KATNA1: variants seen among roughly 807,000 people sequenced by gnomAD.
KATNA1 encodes katanin p60 ATPase-containing subunit A1.
KATNA1 carries 42 observed loss-of-function variants against 62.6 expected under a neutral mutation model. That is an observed-to-expected ratio of 0.67 (90% CI 0.52 to 0.87). The LOEUF is 0.87. Ranked by LOEUF, KATNA1 falls within the 40% of genes least tolerant of loss-of-function variation. The probability of loss-of-function intolerance (pLI) is 0.00; values close to 1 mark genes in which losing one functional copy is unlikely to be tolerated. For missense variants in KATNA1, 498 were observed against 612.5 expected, an observed-to-expected ratio of 0.81 and a Z score of 1.97; for synonymous variants, 186 against 201.9, an observed-to-expected ratio of 0.92 and a Z score of 0.67.
chr6:149,627,647 A>T lies in KATNA1; in HGVS notation c.321-4364T>A, dbSNP rs1779668790. 5.3e-5 allele frequency among the ~76,000 whole-genome samples: 8 copies of T among 150,732 alleles called. No homozygotes were observed. In the Admixed American group the frequency reaches 5.3e-4, roughly 10 times the overall value. ...ACAGTGAGCTGAGATGCACTATTGC[A>T]TTCCAGCCTGGGTGACAGAGTGAGA... On this transcript the variant is annotated intron_variant, in intron 3 of 10. Coordinates refer to ENST00000367411, the MANE Select transcript of KATNA1 (RefSeq NM_007044.4).
chr6:149,598,359 A>G lies in KATNA1; in HGVS notation c.889-9T>C. 1 of 1,612,850 alleles carries G rather than the reference A, an allele frequency of 6.2e-7. No individual in the cohort carries two copies. Among genetic ancestry groups the G allele is most frequent in the East Asian group, 2.2e-5 (1 of 44,876 alleles). On this transcript the variant is annotated splice_polypyrimidine_tract_variant and intron_variant, in intron 7 of 10. Transcript: ENST00000367411. The stretch of plus-strand genomic sequence containing the variant: ...GGAGAATAAAATCGAGCCTAAAGGA[A>G]GAAACCATGCAATATCAAGCTATTA...
At chr6:149,618,060 C>T in intron 4 of KATNA1, among the ~76,000 whole-genome samples, 1 of 148,088 alleles carries the variant, frequency 6.8e-6, no homozygotes, top group South Asian at 2.1e-4. Flanking sequence ...CAGGCTGAGG[C>T]AGGAGGATCG....
Position 149,627,386 on chromosome 6 carries a change from C to T in KATNA1, c.321-4103G>A, listed in dbSNP as rs190803261. Among the ~76,000 whole-genome samples the T allele has an allele frequency of 2.1e-4, 32 of 151,310 alleles. 1 individual carries two copies. Among genetic ancestry groups the T allele is most frequent in the Admixed American group, 2.0e-3 (31 of 15,196 alleles). ...TTCGAGACTAGCCTGGCAAATATGG[C>T]GAAACCCTGTCTACTAAAAATACAA... On this transcript the variant is annotated intron_variant, in intron 3 of 10. Coordinates refer to ENST00000367411, the MANE Select transcript of KATNA1 (RefSeq NM_007044.4).
At position 149,621,966 on chromosome 6, in the gene KATNA1, C is replaced by T. The variant is rs142901773; in HGVS notation, c.501+1137G>A. On this transcript the variant is annotated intron_variant, in intron 4 of 10. Transcript: ENST00000367411. ...GCTAAAGAAACATGATAACTAAATT[C>T]GATGTGTCCTTCTACATTGTAATCT... Among the ~76,000 whole-genome samples, 5 of 152,136 alleles carry T rather than the reference C, an allele frequency of 3.3e-5. No homozygotes were observed. The East Asian group carries it at 7.7e-4, about 24-fold the overall frequency.
intron 7 of KATNA1, among the ~76,000 whole-genome samples, chr6:149,600,220 A>G (rs1008770834): frequency 1.8e-4 from 23 of 126,048 alleles, no homozygotes; most frequent in Non-Finnish European, 2.9e-4. Context: ...AAAAAAAAAA[A>G]GCTGAACACA....
chr6:149,614,004 C>T (rs1177668946), intron 4 of KATNA1, among the ~76,000 whole-genome samples: 2 of 152,174 alleles, frequency 1.3e-5, no homozygotes, highest in East Asian at 3.8e-4. Context: ...AACAACTGAA[C>T]ATGCCAGCAC....
At chr6:149,635,590 T>C (rs2114617284) in intron 2 of KATNA1, among the ~76,000 whole-genome samples, 1 of 151,924 alleles carries the variant, frequency 6.6e-6, no homozygotes, top group South Asian at 2.1e-4. Context: ...ACACCTGTAA[T>C]TCCAGCTACT....
intron 4 of KATNA1, among the ~76,000 whole-genome samples, chr6:149,610,403 T>TA (rs1355746206): frequency 6.6e-6 from 1 of 151,420 alleles, no homozygotes; most frequent in Non-Finnish European, 1.5e-5. Context: ...GCAAAATACA[T>TA]ACTCTTTTCA....
At chr6:149,609,183 A>C (rs1778851401) in intron 4 of KATNA1, among the ~76,000 whole-genome samples, 1 of 152,192 alleles carries the variant, frequency 6.6e-6, no homozygotes, top group African/African-American at 2.4e-5. Context: ...CTCAGAAACA[A>C]ATAGAACACC....
At chr6:149,613,525 A>G (rs777843477) in intron 4 of KATNA1, among the ~76,000 whole-genome samples, 4 of 152,182 alleles carry the variant, frequency 2.6e-5, no homozygotes, top group Non-Finnish European at 5.9e-5. Context: ...AGCTGACAAG[A>G]TAGAAGATAA....
chr6:149,623,282 G>T lies in KATNA1; in HGVS notation c.322C>A (p.Pro108Thr), dbSNP rs775897411. ...WSMPVPVERR[P>T]SPGPRKRQSS... ...TGGCGTTTTCTAGGTCCTGGTGAGG[G>T]TCTAATCAAACAAAAACTCATTAAT... Residue 108 changes from proline to threonine, a missense_variant and splice_region_variant, in exon 4 of 11, where the codon CCC becomes ACC. Coordinates refer to ENST00000367411, the MANE Select transcript of KATNA1 (RefSeq NM_007044.4). The T allele has an allele frequency of 1.9e-6, 3 of 1,582,800 alleles. No individual in the cohort carries two copies. The Admixed American group carries it at 5.9e-5, about 31-fold the overall frequency.
At chr6:149,643,688 C>CTT (rs760035804) in intron 1 of KATNA1, among the ~76,000 whole-genome samples, 6 of 142,844 alleles carry the variant, frequency 4.2e-5, no homozygotes, top group Non-Finnish European at 6.2e-5. Flanking sequence ...AGTTGTTGTC[C>CTT]TTTTTTTTTT....
chr6:149,621,416 G>A (rs1286249422), intron 4 of KATNA1, among the ~76,000 whole-genome samples: 5 of 151,738 alleles, frequency 3.3e-5, no homozygotes, highest in East Asian at 3.9e-4. Context: ...GAGCCACCGC[G>A]CCCGGCCCTG....
chr6:149,621,983 T>C (rs924028563), intron 4 of KATNA1, among the ~76,000 whole-genome samples: 10 of 152,148 alleles, frequency 6.6e-5, no homozygotes, highest in African/African-American at 2.2e-4. Context: ...TCCTTCTACA[T>C]TGTAATCTGA....
chr6:149,602,906 A>T (rs1489451130), intron 6 of KATNA1, among the ~76,000 whole-genome samples: 2 of 151,774 alleles, frequency 1.3e-5, no homozygotes, highest in African/African-American at 2.4e-5. Flanking sequence ...TTTTTAGTAG[A>T]GACGGGGTTT....
intron 1 of KATNA1, among the ~76,000 whole-genome samples, chr6:149,639,953 C>T (rs1209035595): frequency 6.6e-6 from 1 of 152,172 alleles, no homozygotes; most frequent in South Asian, 2.1e-4. Context: ...ATATTAGATA[C>T]ATTTTTTGAA....
intron 4 of KATNA1, among the ~76,000 whole-genome samples, chr6:149,619,045 G>A (rs1205215386): frequency 1.3e-5 from 2 of 152,134 alleles, no homozygotes; most frequent in African/African-American, 4.8e-5. Flanking sequence ...GAGGCAACCT[G>A]TAGAATGGGA....
At chr6:149,619,132 A>C (rs944822450) in intron 4 of KATNA1, among the ~76,000 whole-genome samples, 3 of 151,836 alleles carry the variant, frequency 2.0e-5, no homozygotes, top group Non-Finnish European at 2.9e-5. Flanking sequence ...AGAGCAAAAA[A>C]CCCCCCACAA....
chr6:149,616,343 A>T (rs1363462450), intron 4 of KATNA1, among the ~76,000 whole-genome samples: 1 of 152,254 alleles, frequency 6.6e-6, no homozygotes, highest in East Asian at 1.9e-4. Context: ...ACCCAATTAC[A>T]TGGTTATTAT....
Sources: gnomAD v4.1 joint callset for allele counts (sites outside exome capture counted in the v4.1 genomes callset) on GRCh38, gnomAD v4.1.1 for gene constraint, MANE v1.5 for transcripts, NCBI Gene and HGNC (gene_info 2026-07-23, HGNC 2026-07-21) for gene names.